STK4: variants seen among roughly 807,000 people sequenced by gnomAD.
The protein encoded by STK4 is serine/threonine kinase 4.
A neutral mutation model predicts 64.9 loss-of-function variants in STK4; 30 were observed. The observed-to-expected ratio is 0.46, with a 90% confidence interval of 0.35 to 0.63. STK4 has a LOEUF of 0.63. STK4 is among the 20% of genes least tolerant of loss of function. STK4 has a pLI of 0.01. For synonymous variants in STK4, 177 were observed against 199.0 expected, an observed-to-expected ratio of 0.89 and a Z score of 0.93; for missense variants, 466 against 598.5, an observed-to-expected ratio of 0.78 and a Z score of 2.31.
intron 9 of STK4, among the ~76,000 whole-genome samples, chr20:45,018,871 G>T (rs1436870488): frequency 6.6e-6 from 1 of 151,888 alleles, no homozygotes; most frequent in South Asian, 2.1e-4. Context: ...GGGACTACAG[G>T]TGTGCACCAC....
chr20:45,007,047 G>T (rs1428326642), intron 9 of STK4, among the ~76,000 whole-genome samples: 3 of 151,920 alleles, frequency 2.0e-5, no homozygotes, highest in Non-Finnish European at 4.4e-5. Context: ...GTTGTTTTTT[G>T]TTTGTTTGTT....
intron 9 of STK4, among the ~76,000 whole-genome samples, chr20:45,018,605 C>T (rs559349499): frequency 2.0e-5 from 3 of 152,236 alleles, no homozygotes; most frequent in Middle Eastern, 3.4e-3. Flanking sequence ...ATATAATTTA[C>T]ACACCATACA....
At chr20:44,974,901 A>C (rs894250223) in intron 2 of STK4, 1 of 152,244 alleles carries the variant, frequency 6.6e-6, no homozygotes, top group Non-Finnish European at 1.5e-5. Context: ...TATGAGGATC[A>C]TATGGATCTG....
rs71197599 is a variant in STK4, at chr20:45,062,989, C to CTTTTTTTTTTTTTTTTTTTTTTTT, written c.1306-12022_1306-11999dup. Among the ~76,000 whole-genome samples the CTTTTTTTTTTTTTTTTTTTTTTTT allele has an allele frequency of 1.3e-4, 4 of 31,500 alleles. 1 individual carries two copies. The highest frequency in any genetic ancestry group is 2.3e-4 in the Non-Finnish European group (4 of 17,128). 20.7% of individuals were successfully genotyped at this position (31,500 alleles called of 152,430 possible). ...ACAGGTGTGAGCCACCGCACCCGGC[C>CTTTTTTTTTTTTTTTTTTTTTTTT]TTTTTTTTTTTTTTTTTTTTTTTTT... On this transcript the variant is annotated intron_variant, in intron 10 of 10. Transcript: ENST00000372806.
In STK4 at chr20:44,997,316, A is replaced by G. The variant is rs1197985327; in HGVS notation, c.831+10A>G. Reference sequence around the variant, plus strand: ...CACTCAGCTCCTGCAGGTATGAATCACCCTGTGATGCCATCTCGCTCCATT... The same window carrying G: ...CACTCAGCTCCTGCAGGTATGAATCGCCCTGTGATGCCATCTCGCTCCATT... On this transcript the variant is annotated intron_variant, in intron 7 of 10. Transcript: ENST00000372806. The G allele has an allele frequency of 1.1e-5, 17 of 1,582,034 alleles. No homozygotes were observed. In the East Asian group the frequency reaches 2.9e-4, roughly 27 times the overall value.
intron 10 of STK4, among the ~76,000 whole-genome samples, chr20:45,073,968 A>G (rs988547661): frequency 2.0e-5 from 3 of 152,248 alleles, no homozygotes; most frequent in East Asian, 3.8e-4. Context: ...GAGATTGGTA[A>G]CTTGACAGAG....
intron 1 of STK4, among the ~76,000 whole-genome samples, chr20:44,967,512 C>T (rs1452905002): frequency 6.6e-6 from 1 of 152,178 alleles, no homozygotes; most frequent in East Asian, 1.9e-4. Flanking sequence ...TTGTGGACAT[C>T]CCGGGTCTTT....
chr20:45,059,610 G>A (rs1337071266), intron 10 of STK4, among the ~76,000 whole-genome samples: 4 of 152,116 alleles, frequency 2.6e-5, no homozygotes, highest in Non-Finnish European at 5.9e-5. Context: ...TCTCAGAATG[G>A]CACACAGTTA....
In STK4 at chr20:44,999,951, T is replaced by C. The variant is rs188479394; in HGVS notation, c.832-441T>C. 2.0e-4 allele frequency among the ~76,000 whole-genome samples: 31 copies of C among 152,346 alleles called. 1 individual carries two copies. Among genetic ancestry groups the C allele is most frequent in the African/African-American group, 7.5e-4 (31 of 41,572 alleles). ...TTTTTTAGTATTATCTACTAAGGTG[T>C]ATACACACCCTGAGACATTTGAAAA... On this transcript the variant is annotated intron_variant, in intron 7 of 10. Transcript: ENST00000372806.
intron 5 of STK4, among the ~76,000 whole-genome samples, chr20:44,993,992 A>G (rs1478185221): frequency 6.6e-6 from 1 of 151,992 alleles, no homozygotes; most frequent in African/African-American, 2.4e-5. Context: ...AAAAAAAAAA[A>G]AATCCTTCTT....
At chr20:45,034,959 G>C (rs2068504270) in intron 10 of STK4, among the ~76,000 whole-genome samples, 1 of 151,706 alleles carries the variant, frequency 6.6e-6, no homozygotes, top group South Asian at 2.1e-4. Flanking sequence ...TAAAGAGTAG[G>C]ATTAAGAAAC....
At chr20:44,992,536 C>G (rs949407108) in intron 5 of STK4, among the ~76,000 whole-genome samples, 2 of 150,928 alleles carry the variant, frequency 1.3e-5, no homozygotes, top group African/African-American at 2.4e-5. Context: ...GCCAGCACAC[C>G]TGCTCTGTTG....
At chr20:44,999,662 T>G (rs2067799813) in intron 7 of STK4, among the ~76,000 whole-genome samples, 1 of 152,220 alleles carries the variant, frequency 6.6e-6, no homozygotes, top group African/African-American at 2.4e-5. Context: ...ACCCCTTTGT[T>G]TCAAGTATCT....
In STK4 at chr20:44,997,184, C is replaced by T; in HGVS notation, c.709C>T (p.Pro237Ser). 1 of 1,613,830 alleles carries T rather than the reference C, an allele frequency of 6.2e-7. No individual in the cohort carries two copies. Among genetic ancestry groups the T allele is most frequent in the Non-Finnish European group, 8.5e-7 (1 of 1,179,832 alleles). Residue 237 changes from proline (P) to serine (S), a missense_variant, in exon 7 of 11, where the codon CCT (proline) becomes TCT (serine). Coordinates refer to ENST00000372806, the MANE Select transcript of STK4 (RefSeq NM_006282.5). Reference protein sequence around the residue: ...IHPMRAIFMIPTNPPPTFRKP... With the variant: ...IHPMRAIFMISTNPPPTFRKP... ...TTCTAACCAGGCAATCTTCATGATTCCTACAAATCCTCCTCCCACATTCCG... is the reference window on the plus strand; with the variant it reads ...TTCTAACCAGGCAATCTTCATGATTTCTACAAATCCTCCTCCCACATTCCG...
At chr20:44,967,357 T>G (rs546677472) in intron 1 of STK4, 44 of 465,816 alleles carry the variant, frequency 9.4e-5, no homozygotes, top group African/African-American at 7.0e-4. Flanking sequence ...TTACTCCGGG[T>G]CACTGAACCC....
chr20:44,992,470 A>G (rs1350434128), intron 5 of STK4, among the ~76,000 whole-genome samples: 1 of 151,764 alleles, frequency 6.6e-6, no homozygotes, highest in Non-Finnish European at 1.5e-5. Flanking sequence ...TATTTTACCC[A>G]GGCTGGTCCG....
At chr20:44,989,150 A>T (rs188055856) in intron 5 of STK4, among the ~76,000 whole-genome samples, 1 of 152,336 alleles carries the variant, frequency 6.6e-6, no homozygotes, top group Admixed American at 6.5e-5. Context: ...TTGCTGGATC[A>T]CATGGTAACT....
In STK4 at chr20:45,061,180, G is replaced by T. The variant is rs571911596; in HGVS notation, c.1306-13838G>T. 1.9e-4 allele frequency among the ~76,000 whole-genome samples: 29 copies of T among 152,294 alleles called. No homozygotes were observed. In the South Asian group the frequency reaches 6.0e-3, roughly 32 times the overall value. The stretch of plus-strand genomic sequence containing the variant: ...AGGTGCTTTGTGAATTCCATAGCAA[G>T]TCGTAAAGGCTCATGCCAGAATAGA... On this transcript the variant is annotated intron_variant, in intron 10 of 10. Coordinates refer to ENST00000372806, the MANE Select transcript of STK4 (RefSeq NM_006282.5).
At chr20:44,988,459 G>A (rs1324098905) in intron 5 of STK4, among the ~76,000 whole-genome samples, 1 of 149,196 alleles carries the variant, frequency 6.7e-6, no homozygotes, top group African/African-American at 2.5e-5. Flanking sequence ...TCCAGCCTGG[G>A]CAACAGAGTG....
Sources: gnomAD v4.1 joint callset for allele counts (sites outside exome capture counted in the v4.1 genomes callset) on GRCh38, gnomAD v4.1.1 for gene constraint, MANE v1.5 for transcripts, NCBI Gene and HGNC (gene_info 2026-07-23, HGNC 2026-07-21) for gene names.